IL1RAPL1: variants seen among roughly 807,000 people sequenced by gnomAD.
The protein encoded by IL1RAPL1 is interleukin 1 receptor accessory protein like 1, also known as interleukin-1 receptor accessory protein-like 1.
Under a neutral mutation model 48.4 loss-of-function variants are expected in IL1RAPL1, and 3 were observed. The ratio of observed to expected loss-of-function variants is 0.06; its 90% CI spans 0.03 to 0.16. The LOEUF (loss-of-function observed/expected upper bound fraction) is 0.16. Among genes scored for constraint, IL1RAPL1 ranks in the 10% least tolerant of loss-of-function variants. The pLI is 1.00. For synonymous variants in IL1RAPL1, 185 were observed against 187.7 expected, an observed-to-expected ratio of 0.99 and a Z score of 0.12; for missense variants, 349 against 530.6, an observed-to-expected ratio of 0.66 and a Z score of 3.36.
At chrX:29,264,045 A>T (rs1931910141) in intron 2 of IL1RAPL1, among the ~76,000 whole-genome samples, 1 of 110,973 alleles carries the variant, frequency 9.0e-6, no homozygotes, top group Non-Finnish European at 1.9e-5. Context: ...GGCTAAGTTC[A>T]CTTTAGATGG....
intron 2 of IL1RAPL1, among the ~76,000 whole-genome samples, chrX:29,197,143 G>T (rs749860568): frequency 3.3e-4 from 37 of 111,143 alleles, no homozygotes; most frequent in African/African-American, 1.1e-3. Flanking sequence ...TATTCACTGT[G>T]AGTTTTTGTT....
At chrX:29,684,676 G>T (rs1601777915) in intron 6 of IL1RAPL1, among the ~76,000 whole-genome samples, 1 of 111,349 alleles carries the variant, frequency 9.0e-6, no homozygotes, top group African/African-American at 3.3e-5. Context: ...TGATCTTCGA[G>T]CATGAAGTTC....
chrX:29,180,217 CAA>C (rs751397032), intron 2 of IL1RAPL1, among the ~76,000 whole-genome samples: 1 of 101,739 alleles, frequency 9.8e-6, no homozygotes. Flanking sequence ...GAACTACTGT[CAA>C]AAAAAAAAAT....
intron 6 of IL1RAPL1, among the ~76,000 whole-genome samples, chrX:29,757,456 A>G (rs1281040157): frequency 1.8e-5 from 2 of 112,222 alleles, no homozygotes; most frequent in Non-Finnish European, 3.8e-5. Flanking sequence ...CCAATTTCCA[A>G]TCATGCAAAT....
intron 2 of IL1RAPL1, among the ~76,000 whole-genome samples, chrX:29,229,547 C>CT (rs1416154335): frequency 8.9e-6 from 1 of 111,824 alleles, no homozygotes. Context: ...AGCAACTTTC[C>CT]TTTTTTGTAC....
At chrX:28,995,504 T>A (rs1259094138) in intron 2 of IL1RAPL1, among the ~76,000 whole-genome samples, 4 of 111,296 alleles carry the variant, frequency 3.6e-5, no homozygotes, top group Non-Finnish European at 7.5e-5. Flanking sequence ...AGAGATTGTT[T>A]TGCATTGATC....
chrX:29,869,704 A>G (rs904391955), intron 6 of IL1RAPL1, among the ~76,000 whole-genome samples: 9 of 111,304 alleles, frequency 8.1e-5, no homozygotes, highest in Non-Finnish European at 1.3e-4. Context: ...TTGTCTGCCA[A>G]TTACCATGTA....
intron 5 of IL1RAPL1, among the ~76,000 whole-genome samples, chrX:29,473,042 T>C (rs1934937998): frequency 9.0e-6 from 1 of 111,292 alleles, no homozygotes; most frequent in African/African-American, 3.3e-5. Context: ...CAGTTAATTT[T>C]CTCACAGTTT....
chrX:28,692,716 G>A (rs1407870987), intron 1 of IL1RAPL1, among the ~76,000 whole-genome samples: 1 of 111,783 alleles, frequency 8.9e-6, no homozygotes, highest in Non-Finnish European at 1.9e-5. Flanking sequence ...CATAAATAAT[G>A]GATAAGAAAT....
chrX:28,807,352 T>C (rs938307656), intron 2 of IL1RAPL1, among the ~76,000 whole-genome samples: 7 of 108,586 alleles, frequency 6.4e-5, no homozygotes, highest in South Asian at 4.2e-4. Flanking sequence ...GTTTCAATTT[T>C]AATGTTTGTG....
intron 2 of IL1RAPL1, among the ~76,000 whole-genome samples, chrX:29,158,899 T>TTTCTC (rs1929619700): frequency 1.0e-5 from 1 of 96,871 alleles, no homozygotes; most frequent in Non-Finnish European, 2.0e-5. Context: ...TCTTTTCTTT[T>TTTCTC]TTCTTTTCTT....
intron 6 of IL1RAPL1, among the ~76,000 whole-genome samples, chrX:29,859,444 T>C (rs1931535293): frequency 9.0e-6 from 1 of 111,567 alleles, no homozygotes; most frequent in Admixed American, 9.6e-5. Flanking sequence ...TCTGCACTTG[T>C]AATGGAGATC....
At chrX:28,892,929 A>G (rs1033130350) in intron 2 of IL1RAPL1, among the ~76,000 whole-genome samples, 6 of 111,703 alleles carry the variant, frequency 5.4e-5, no homozygotes, top group African/African-American at 1.3e-4. Context: ...TAATTAGAGA[A>G]TGCCTAAGGA....
intron 2 of IL1RAPL1, among the ~76,000 whole-genome samples, chrX:29,112,496 G>A (rs1406619761): frequency 4.7e-5 from 5 of 106,141 alleles, no homozygotes; most frequent in Non-Finnish European, 9.6e-5. Flanking sequence ...AATAGGAACA[G>A]TCAGGTTTTC....
intron 6 of IL1RAPL1, among the ~76,000 whole-genome samples, chrX:29,885,681 T>C (rs1240923880): frequency 3.6e-5 from 4 of 111,101 alleles, no homozygotes; most frequent in Admixed American, 9.6e-5. Flanking sequence ...CAGCTGAGTG[T>C]GGTGGCATGC....
chrX:29,526,788 C>T (rs1206556486), intron 5 of IL1RAPL1, among the ~76,000 whole-genome samples: 2 of 112,006 alleles, frequency 1.8e-5, no homozygotes, highest in Non-Finnish European at 3.8e-5. Context: ...AAAGACATTC[C>T]TTGTTCTTCA....
At chrX:29,554,782 A>T (rs1921936194) in intron 5 of IL1RAPL1, among the ~76,000 whole-genome samples, 1 of 111,778 alleles carries the variant, frequency 8.9e-6, no homozygotes, top group Non-Finnish European at 1.9e-5. Flanking sequence ...GCCTCAAAAA[A>T]AAAATCAGTG....
chrX:28,610,339 G>C (rs925860166), intron 1 of IL1RAPL1, among the ~76,000 whole-genome samples: 1 of 112,163 alleles, frequency 8.9e-6, no homozygotes, highest in Non-Finnish European at 1.9e-5. Context: ...ACTTTGTGAG[G>C]AAAGGCTGGG....
intron 5 of IL1RAPL1, among the ~76,000 whole-genome samples, chrX:29,451,116 TA>T (rs1432985326): frequency 0.023 from 2,306 of 102,477 alleles, 47 homozygotes; most frequent in African/African-American, 0.07. Context: ...TACCTAATAT[TA>T]AAAAAAAAAA....
Sources: gnomAD v4.1 joint callset for allele counts (sites outside exome capture counted in the v4.1 genomes callset) on GRCh38, gnomAD v4.1.1 for gene constraint, MANE v1.5 for transcripts, NCBI Gene and HGNC (gene_info 2026-07-23, HGNC 2026-07-21) for gene names.